The following TANC2 variants were observed in gnomAD, a reference collection of about 807,000 sequenced individuals.
The protein encoded by TANC2 is protein TANC2.
TANC2 carries 26 observed loss-of-function variants against 210.5 expected under a neutral mutation model. The ratio of observed to expected loss-of-function variants is 0.12; its 90% CI spans 0.09 to 0.17. The LOEUF (loss-of-function observed/expected upper bound fraction) is 0.17. Ranked by LOEUF, TANC2 falls within the 10% of genes least tolerant of loss-of-function variation. The pLI is 1.00. For missense variants in TANC2, 2,129 were observed against 2,608.9 expected, an observed-to-expected ratio of 0.82 and a Z score of 4.01; for synonymous variants, 931 against 967.1, an observed-to-expected ratio of 0.96 and a Z score of 0.69.
chr17:63,396,905 A>T (rs1438355977), intron 18 of TANC2: 1 of 152,086 alleles, frequency 6.6e-6, no homozygotes. Flanking sequence ...AAACCTCGGC[A>T]TCATCCAGTA....
intron 9 of TANC2, among the ~76,000 whole-genome samples, chr17:63,287,914 T>C (rs1471073235): frequency 1.3e-5 from 2 of 152,114 alleles, no homozygotes; most frequent in Non-Finnish European, 2.9e-5. Flanking sequence ...TGACCTCAGG[T>C]GATCTGCCTG....
At chr17:63,359,588 T>G (rs1229929609) in intron 14 of TANC2, among the ~76,000 whole-genome samples, 3 of 152,158 alleles carry the variant, frequency 2.0e-5, no homozygotes, top group Non-Finnish European at 2.9e-5. Flanking sequence ...CCTCAGGTGG[T>G]CTGCCCACCT....
At chr17:63,189,133 T>C (rs1474993780) in intron 5 of TANC2, among the ~76,000 whole-genome samples, 1 of 152,196 alleles carries the variant, frequency 6.6e-6, no homozygotes, top group Admixed American at 6.5e-5. Flanking sequence ...CATGGCCAAA[T>C]GTTCCCTAAT....
intron 9 of TANC2, among the ~76,000 whole-genome samples, chr17:63,303,042 A>G (rs1364582656): frequency 2.0e-5 from 3 of 152,156 alleles, no homozygotes; most frequent in Non-Finnish European, 2.9e-5. Flanking sequence ...GATTATAGGC[A>G]TGAGCCACTG....
At position 63,388,487 on chromosome 17, in the gene TANC2, C is replaced by A. The variant is rs931947628; in HGVS notation, c.2692-148C>A. ...TCCTGCAGGACTGGTCTTTGTCCCCCCACCTAGGCTTTGCTTGGCATGAAC... is the reference window on the plus strand; with the variant it reads ...TCCTGCAGGACTGGTCTTTGTCCCCACACCTAGGCTTTGCTTGGCATGAAC... On this transcript the variant is annotated intron_variant, in intron 15 of 27. Transcript: ENST00000689528. 5.5e-6 allele frequency: 4 copies of A among 721,096 alleles called. No individual in the cohort carries two copies. In the African/African-American group the frequency reaches 7.3e-5, roughly 13 times the overall value. The allele number at this position is 721,096 out of a possible 1,614,324, so 44.7% of individuals were successfully genotyped here. A position where few individuals can be genotyped will look rare whatever the true frequency, so the allele number is the denominator to read the frequency against.
chr17:63,319,140 A>G, intron 11 of TANC2, 50 bp downstream of exon 11: 4 of 1,562,982 alleles, frequency 2.6e-6, no homozygotes, highest in South Asian at 2.3e-5. Flanking sequence ...TTTTAATATC[A>G]AGGAAGCAAA....
chr17:63,298,494 CAG>C (rs1307284007), intron 9 of TANC2, among the ~76,000 whole-genome samples: 1 of 152,024 alleles, frequency 6.6e-6, no homozygotes, highest in African/African-American at 2.4e-5. Context: ...TCCACAGACA[CAG>C]AAAGCGAATT....
At chr17:63,322,557 G>A (rs1264158845) in intron 11 of TANC2, among the ~76,000 whole-genome samples, 1 of 152,180 alleles carries the variant, frequency 6.6e-6, no homozygotes, top group Non-Finnish European at 1.5e-5. Context: ...AGTGCTTCCA[G>A]CACTTCAGTT....
intron 5 of TANC2, among the ~76,000 whole-genome samples, chr17:63,173,979 T>C (rs1256792505): frequency 6.6e-6 from 1 of 152,212 alleles, no homozygotes; most frequent in Non-Finnish European, 1.5e-5. Flanking sequence ...AAGTTCTTTC[T>C]TTTACTGGCC....
intron 7 of TANC2, among the ~76,000 whole-genome samples, chr17:63,211,794 T>A (rs1250345804): frequency 6.6e-6 from 1 of 152,214 alleles, no homozygotes; most frequent in Non-Finnish European, 1.5e-5. Context: ...GCATAGTAGA[T>A]GCTCAATAAA....
At chr17:63,372,340 C>T (rs529067792) in intron 14 of TANC2, among the ~76,000 whole-genome samples, 1 of 152,148 alleles carries the variant, frequency 6.6e-6, no homozygotes, top group Non-Finnish European at 1.5e-5. Context: ...GTGGACTTCT[C>T]TTCTGGCTGC....
chr17:62,994,943 G>A (rs959650709), intron 1 of TANC2, among the ~76,000 whole-genome samples: 2 of 152,142 alleles, frequency 1.3e-5, no homozygotes, highest in African/African-American at 4.8e-5. Flanking sequence ...GTTAAATGAA[G>A]AGCTTTAACA....
intron 1 of TANC2, among the ~76,000 whole-genome samples, chr17:62,973,988 G>A (rs964914480): frequency 3.3e-5 from 5 of 152,188 alleles, no homozygotes; most frequent in African/African-American, 4.8e-5. Context: ...AGTTGCTGTC[G>A]AGACCATACG....
chr17:63,321,415 A>G (rs2146640044), intron 11 of TANC2, among the ~76,000 whole-genome samples: 1 of 152,164 alleles, frequency 6.6e-6, no homozygotes, highest in South Asian at 2.1e-4. Flanking sequence ...TTTTTATAGC[A>G]TCCTGTTCTT....
intron 2 of TANC2, among the ~76,000 whole-genome samples, chr17:63,048,401 C>G (rs1187809958): frequency 6.6e-6 from 1 of 152,166 alleles, no homozygotes; most frequent in African/African-American, 2.4e-5. Context: ...CCATCTAGCT[C>G]TAGACCTGGA....
intron 4 of TANC2, among the ~76,000 whole-genome samples, chr17:63,106,858 GAA>G (rs1308577486): frequency 6.6e-6 from 1 of 151,574 alleles, no homozygotes; most frequent in Non-Finnish European, 1.5e-5. Context: ...CATACAAAGT[GAA>G]AGTTTTATTT....
intron 2 of TANC2, among the ~76,000 whole-genome samples, chr17:63,054,485 C>T (rs2035696368): frequency 6.6e-6 from 1 of 152,044 alleles, no homozygotes; most frequent in Non-Finnish European, 1.5e-5. Context: ...AATTCTCTTG[C>T]CTCAGCCTCC....
chr17:63,042,992 A>G (rs2035247584), intron 2 of TANC2, among the ~76,000 whole-genome samples: 1 of 152,118 alleles, frequency 6.6e-6, no homozygotes, highest in African/African-American at 2.4e-5. Context: ...ATTTTTTTCT[A>G]TTGAAGACCT....
At chr17:63,397,976 G>C (rs1183643755) in intron 18 of TANC2, among the ~76,000 whole-genome samples, 1 of 152,200 alleles carries the variant, frequency 6.6e-6, no homozygotes, top group Non-Finnish European at 1.5e-5. Flanking sequence ...CACCAAGGGA[G>C]TGTTAAGTAA....
Sources: gnomAD v4.1 joint callset for allele counts (sites outside exome capture counted in the v4.1 genomes callset) on GRCh38, gnomAD v4.1.1 for gene constraint, MANE v1.5 for transcripts, NCBI Gene and HGNC (gene_info 2026-07-23, HGNC 2026-07-21) for gene names.